Variants in GHR observed in about 807,000 individuals in gnomAD.
GHR encodes GH receptor.
In GHR, 35 loss-of-function variants were observed where a neutral mutation model predicts 67.1. The ratio of observed to expected loss-of-function variants is 0.52; its 90% CI spans 0.40 to 0.69. The LOEUF (loss-of-function observed/expected upper bound fraction) is 0.69. GHR is among the 30% of genes least tolerant of loss of function. The pLI is 0.00. For synonymous variants in GHR, 272 were observed against 269.1 expected, an observed-to-expected ratio of 1.01 and a Z score of -0.10; for missense variants, 792 against 764.6, an observed-to-expected ratio of 1.04 and a Z score of -0.42.
chr5:42,513,216 G>C (rs984682868), intron 1 of GHR, among the ~76,000 whole-genome samples: 3 of 152,176 alleles, frequency 2.0e-5, no homozygotes. Flanking sequence ...CCTCTTTGGT[G>C]AAATTTCAAT....
At chr5:42,468,906 G>T in intron 1 of GHR, 1 of 626,868 alleles carries the variant, frequency 1.6e-6, no homozygotes, top group Non-Finnish European at 2.6e-6. Flanking sequence ...GGATTGCAGC[G>T]GGCTGCGCCG....
chr5:42,433,707 C>T (rs1308797684), intron 1 of GHR, among the ~76,000 whole-genome samples: 3 of 149,712 alleles, frequency 2.0e-5, no homozygotes, highest in Non-Finnish European at 4.4e-5. Flanking sequence ...CAACATGGCT[C>T]CTGAGCCAGT....
chr5:42,638,992 C>T (rs61172054), intron 3 of GHR, among the ~76,000 whole-genome samples: 1 of 152,060 alleles, frequency 6.6e-6, no homozygotes, highest in Non-Finnish European at 1.5e-5. Context: ...GTGTGGCTCA[C>T]GACTGTAATA....
At chr5:42,502,847 AATT>A (rs1432671824) in intron 1 of GHR, among the ~76,000 whole-genome samples, 1 of 148,570 alleles carries the variant, frequency 6.7e-6, no homozygotes, top group East Asian at 1.9e-4. Flanking sequence ...TTAAAATAAT[AATT>A]ATTTTTATTA....
intron 1 of GHR, among the ~76,000 whole-genome samples, chr5:42,439,623 A>C (rs1743481635): frequency 6.6e-6 from 1 of 152,264 alleles, no homozygotes; most frequent in Non-Finnish European, 1.5e-5. Context: ...AGAAGGAGAT[A>C]TATTAGTGTT....
intron 1 of GHR, among the ~76,000 whole-genome samples, chr5:42,536,663 G>T (rs1352091629): frequency 1.3e-5 from 2 of 152,052 alleles, no homozygotes; most frequent in Non-Finnish European, 2.9e-5. Context: ...TGGTATTAGG[G>T]TGATGCTGGC....
intron 1 of GHR, chr5:42,513,968 A>C: frequency 4.2e-6 from 1 of 237,146 alleles, no homozygotes; most frequent in Non-Finnish European, 6.9e-6. Flanking sequence ...AATGGGTTAA[A>C]TATAAAAAAT....
At chr5:42,561,192 C>T (rs1002468330) in intron 1 of GHR, among the ~76,000 whole-genome samples, 1 of 152,188 alleles carries the variant, frequency 6.6e-6, no homozygotes. Flanking sequence ...AAAGCCTTAT[C>T]TGTCATTTAG....
intron 1 of GHR, among the ~76,000 whole-genome samples, chr5:42,459,803 T>C (rs970593548): frequency 1.3e-5 from 2 of 152,358 alleles, no homozygotes; most frequent in Middle Eastern, 3.4e-3. Flanking sequence ...GATGATGTTC[T>C]AGCCTTTGAA....
intron 1 of GHR, among the ~76,000 whole-genome samples, chr5:42,490,805 G>C (rs1746083546): frequency 6.6e-6 from 1 of 152,170 alleles, no homozygotes; most frequent in South Asian, 2.1e-4. Context: ...CTATAATATG[G>C]AGGGTAGTGT....
At chr5:42,455,411 T>C (rs141432383) in intron 1 of GHR, among the ~76,000 whole-genome samples, 47 of 152,330 alleles carry the variant, frequency 3.1e-4, no homozygotes, top group African/African-American at 1.1e-3. Context: ...GCCTGCTATC[T>C]GCCATCTTTC....
At chr5:42,623,660 T>C (rs192742638) in intron 2 of GHR, among the ~76,000 whole-genome samples, 131 of 152,342 alleles carry the variant, frequency 8.6e-4, no homozygotes, top group Non-Finnish European at 1.5e-3. Context: ...GATATTCCAT[T>C]GTTCCTCCAA....
intron 2 of GHR, among the ~76,000 whole-genome samples, chr5:42,577,974 TATTTTTGAACTAGAGCTCAC>T (rs1750855422): frequency 6.6e-6 from 1 of 152,152 alleles, no homozygotes; most frequent in Non-Finnish European, 1.5e-5. Flanking sequence ...ATCAGAAAAA[TATTTTTGAACTAGAGCTCAC>T]AGAACATATG....
chr5:42,436,792 A>G (rs984256778), intron 1 of GHR, among the ~76,000 whole-genome samples: 1 of 152,122 alleles, frequency 6.6e-6, no homozygotes, highest in Non-Finnish European at 1.5e-5. Context: ...ACTAATCTTT[A>G]TGTTTTGAGT....
At chr5:42,549,587 G>A in intron 1 of GHR, 3 of 651,544 alleles carry the variant, frequency 4.6e-6, no homozygotes, top group Non-Finnish European at 5.7e-6. Flanking sequence ...GATTAAGTGA[G>A]AAGAGTATAG....
chr5:42,599,927 G>GTCTTCAATAAACA (rs2112628549), intron 2 of GHR, among the ~76,000 whole-genome samples: 1 of 152,242 alleles, frequency 6.6e-6, no homozygotes, highest in Non-Finnish European at 1.5e-5. Context: ...CTACTCACTT[G>GTCTTCAATAAACA]TCTTCAATAA....
At chr5:42,478,960 G>A (rs1162036232) in intron 1 of GHR, among the ~76,000 whole-genome samples, 1 of 152,134 alleles carries the variant, frequency 6.6e-6, no homozygotes, top group Admixed American at 6.5e-5. Flanking sequence ...CCTGTTTTGT[G>A]CCCGTTTTCA....
intron 2 of GHR, among the ~76,000 whole-genome samples, chr5:42,594,066 A>C (rs1421088103): frequency 8.5e-5 from 13 of 152,182 alleles, no homozygotes; most frequent in Admixed American, 8.5e-4. Context: ...TTTTCTATAT[A>C]TCTTACCTTA....
chr5:42,482,946 G>A (rs545693791), intron 1 of GHR, among the ~76,000 whole-genome samples: 1 of 152,304 alleles, frequency 6.6e-6, no homozygotes, highest in African/African-American at 2.4e-5. Context: ...AATTGGTAAT[G>A]CAGAAATCAC....
Sources: gnomAD v4.1 joint callset for allele counts (sites outside exome capture counted in the v4.1 genomes callset) on GRCh38, gnomAD v4.1.1 for gene constraint, MANE v1.5 for transcripts, NCBI Gene and HGNC (gene_info 2026-07-23, HGNC 2026-07-21) for gene names.